Variants in NCK1 observed in about 807,000 individuals in gnomAD.
NCK1 encodes the protein SH2/SH3 adapter protein NCK1.
In NCK1, 19 loss-of-function variants were observed where a neutral mutation model predicts 36.6. The ratio of observed to expected loss-of-function variants is 0.52; its 90% CI spans 0.36 to 0.76. The LOEUF (loss-of-function observed/expected upper bound fraction) is 0.76. Among genes scored for constraint, NCK1 ranks in the 30% least tolerant of loss-of-function variants. The pLI, the probability that NCK1 is intolerant of heterozygous loss-of-function variation, is 0.00. For missense variants in NCK1, 358 were observed against 445.6 expected, an observed-to-expected ratio of 0.80 and a Z score of 1.77; for synonymous variants, 165 against 156.0, an observed-to-expected ratio of 1.06 and a Z score of -0.43.
At chr3:136,879,391 AT>A (rs1019447676) in intron 1 of NCK1, among the ~76,000 whole-genome samples, 2 of 152,192 alleles carry the variant, frequency 1.3e-5, no homozygotes, top group African/African-American at 2.4e-5. Context: ...TCCTGGAAAA[AT>A]GAAAGAAAAT....
intron 2 of NCK1, among the ~76,000 whole-genome samples, chr3:136,942,509 C>T (rs753551735): frequency 6.6e-6 from 1 of 152,104 alleles, no homozygotes; most frequent in East Asian, 1.9e-4. Flanking sequence ...CAAAAGAAAA[C>T]CTCTCCCCAT....
At position 136,951,255 on chromosome 3, in the gene NCK1, G is replaced by A. The variant is rs1203638610; in HGVS notation, c.*2802G>A. ...CACAGTCTCTGTAGCACGTTTGTGA[G>A]AATTCTCTAGGCAGGCCCAGCCCTT... On this transcript the variant is annotated 3_prime_UTR_variant, in exon 4 of 4. Transcript: ENST00000481752. Among the ~76,000 whole-genome samples, 1 of 152,180 alleles carries A rather than the reference G, an allele frequency of 6.6e-6. No individual in the cohort carries two copies. The highest frequency in any genetic ancestry group is 2.4e-5 in the African/African-American group (1 of 41,448).
intron 2 of NCK1, among the ~76,000 whole-genome samples, chr3:136,930,136 G>A (rs972745023): frequency 3.9e-5 from 6 of 152,002 alleles, no homozygotes; most frequent in Admixed American, 1.3e-4. Context: ...CATAATTTCT[G>A]TATCCCTTTT....
At chr3:136,885,051 A>C (rs1440533735) in intron 1 of NCK1, among the ~76,000 whole-genome samples, 2 of 152,172 alleles carry the variant, frequency 1.3e-5, no homozygotes, top group Admixed American at 1.3e-4. Flanking sequence ...TATTTACTTA[A>C]ATATTTATGG....
chr3:136,883,210 C>T (rs1192582882), intron 1 of NCK1, among the ~76,000 whole-genome samples: 1 of 152,190 alleles, frequency 6.6e-6, no homozygotes, highest in Non-Finnish European at 1.5e-5. Flanking sequence ...CATGAGCCCC[C>T]ATGCCCAGCC....
At chr3:136,905,319 C>G (rs1455324302) in intron 1 of NCK1, among the ~76,000 whole-genome samples, 1 of 152,110 alleles carries the variant, frequency 6.6e-6, no homozygotes. Context: ...AGCCATTGTG[C>G]CCAACCTGGT....
intron 3 of NCK1, 88 bp from the exon 4 acceptor site, chr3:136,948,171 C>A: frequency 9.6e-7 from 1 of 1,044,234 alleles, no homozygotes. Context: ...TTAGTAAGTG[C>A]TTAGATTTTA....
At chr3:136,932,658 C>T (rs926815439) in intron 2 of NCK1, among the ~76,000 whole-genome samples, 44 of 152,194 alleles carry the variant, frequency 2.9e-4, no homozygotes, top group African/African-American at 1.0e-3. Context: ...CTCTGATTTT[C>T]TGTTCCTTGT....
intron 2 of NCK1, among the ~76,000 whole-genome samples, chr3:136,931,858 G>A (rs538252061): frequency 1.3e-5 from 2 of 152,236 alleles, no homozygotes; most frequent in East Asian, 3.9e-4. Context: ...GGCAGCTCAA[G>A]CCTGTAATCT....
chr3:136,930,527 A>G, intron 2 of NCK1: 1 of 1,436,062 alleles, frequency 7.0e-7, no homozygotes, highest in Non-Finnish European at 9.1e-7. Context: ...GAGCTGTGTT[A>G]ACAAACTGAC....
chr3:136,925,530 T>C (rs1356223031), intron 1 of NCK1, among the ~76,000 whole-genome samples: 1 of 152,228 alleles, frequency 6.6e-6, no homozygotes, highest in Non-Finnish European at 1.5e-5. Context: ...CTGTTCCTGC[T>C]GCCCCGTTAA....
In NCK1 at chr3:136,922,633, A is replaced by G. The variant is rs181541294; in HGVS notation, c.-18-5351A>G. Among the ~76,000 whole-genome samples, 7 of 152,360 alleles carry G rather than the reference A, an allele frequency of 4.6e-5. No individual in the cohort carries two copies. In the East Asian group the frequency reaches 1.3e-3, roughly 29 times the overall value. ...AGAGAAATACAAATTACAACTCTGA[A>G]ATACTATTTCTCCCCTATTAGATTG... On this transcript the variant is annotated intron_variant, in intron 1 of 3. Transcript: ENST00000481752.
intron 1 of NCK1, among the ~76,000 whole-genome samples, chr3:136,910,803 CTT>C (rs1180280587): frequency 6.6e-6 from 1 of 152,140 alleles, no homozygotes; most frequent in Non-Finnish European, 1.5e-5. Flanking sequence ...AAAATGTACT[CTT>C]AGTTATTTTG....
At chr3:136,903,936 G>C (rs1218343634) in intron 1 of NCK1, among the ~76,000 whole-genome samples, 1 of 151,886 alleles carries the variant, frequency 6.6e-6, no homozygotes, top group Non-Finnish European at 1.5e-5. Context: ...TCTATCAGTG[G>C]TTTTTATATT....
At position 136,948,455 on chromosome 3, in the gene NCK1, A is replaced by G; in HGVS notation, c.*2A>G. On this transcript the variant is annotated 3_prime_UTR_variant, in exon 4 of 4. Transcript: ENST00000481752. ...TATCTTGTCAAGCATTTATCATGAT[A>G]CTGCTGACCAGAAGTGACTGCTGTG... 1 of 1,610,034 alleles carries G rather than the reference A, an allele frequency of 6.2e-7. No individual in the cohort carries two copies. Among genetic ancestry groups the G allele is most frequent in the East Asian group, 2.2e-5 (1 of 44,804 alleles).
chr3:136,926,527 A>G (rs2108127886), intron 1 of NCK1, among the ~76,000 whole-genome samples: 2 of 152,184 alleles, frequency 1.3e-5, no homozygotes, highest in South Asian at 4.1e-4. Flanking sequence ...CACCCGCCTC[A>G]GCCTCCTGAA....
intron 2 of NCK1, among the ~76,000 whole-genome samples, chr3:136,931,568 AT>A (rs5852853): frequency 0.68 from 103,649 of 151,934 alleles, 35,637 homozygotes; most frequent in East Asian, 0.87. Context: ...AGATCTTTGC[AT>A]TTTTCATTTT....
At chr3:136,937,172 T>C (rs1039466150) in intron 2 of NCK1, among the ~76,000 whole-genome samples, 3 of 152,226 alleles carry the variant, frequency 2.0e-5, no homozygotes, top group Non-Finnish European at 4.4e-5. Flanking sequence ...TTCATTCTTT[T>C]GTTTATAGAT....
chr3:136,876,532 C>G (rs1938777836), intron 1 of NCK1, among the ~76,000 whole-genome samples: 1 of 152,090 alleles, frequency 6.6e-6, no homozygotes, highest in South Asian at 2.1e-4. Context: ...CTTTTATGAA[C>G]ATCCTTCCGT....
Sources: allele counts gnomAD v4.1 joint callset (sites outside exome capture counted in the v4.1 genomes callset), GRCh38; gene constraint gnomAD v4.1.1; transcripts MANE v1.5; gene names NCBI Gene and HGNC (gene_info 2026-07-23, HGNC 2026-07-21).